The following CCDC171 variants were observed in gnomAD, a reference collection of about 807,000 sequenced individuals.
CCDC171 encodes the protein coiled-coil domain containing 171.
In CCDC171, 177 loss-of-function variants were observed where a neutral mutation model predicts 168.2. That is an observed-to-expected ratio of 1.05 (90% confidence interval 0.93 to 1.19). CCDC171 has a LOEUF of 1.19. CCDC171 is among the 50% of genes most tolerant of loss of function. The pLI is 0.00. For synonymous variants in CCDC171, 687 were observed against 540.8 expected (o/e 1.27, Z -3.75); for missense variants, 1,991 against 1,539.0 (o/e 1.29, Z -4.91).
At chr9:16,032,355 G>A (rs955344630) in intron 6 of CCDC171, among the ~76,000 whole-genome samples, 1 of 152,196 alleles carries the variant, frequency 6.6e-6, no homozygotes, top group South Asian at 2.1e-4. Flanking sequence ...AATAGACGAT[G>A]GTTTGCAAGC....
intron 24 of CCDC171, among the ~76,000 whole-genome samples, chr9:15,904,881 G>C (rs1822296855): frequency 6.6e-6 from 1 of 151,488 alleles, no homozygotes; most frequent in Non-Finnish European, 1.5e-5. Flanking sequence ...CCTAGTCTCT[G>C]ATAAAACAGA....
the CCDC171 span, among the ~76,000 whole-genome samples, chr9:16,092,354 G>A: frequency 3.9e-5 from 6 of 152,192 alleles, no homozygotes; most frequent in African/African-American, 1.4e-4. Flanking sequence ...CAGCTCCAAA[G>A]GTGTGGGTGG....
At chr9:15,840,603 T>C (rs1465974499) in intron 21 of CCDC171, among the ~76,000 whole-genome samples, 1 of 152,136 alleles carries the variant, frequency 6.6e-6, no homozygotes, top group East Asian at 1.9e-4. Flanking sequence ...TTCTGTCTCA[T>C]GAGGTCTGCA....
chr9:16,097,323 TG>T, the CCDC171 span, among the ~76,000 whole-genome samples: 1 of 152,244 alleles, frequency 6.6e-6, no homozygotes, highest in Non-Finnish European at 1.5e-5. Flanking sequence ...TGGATGGTTA[TG>T]GTTTGTATAT....
At chr9:15,754,179 C>G (rs554372031) in intron 18 of CCDC171, among the ~76,000 whole-genome samples, 72 of 152,188 alleles carry the variant, frequency 4.7e-4, no homozygotes, top group African/African-American at 1.7e-3. Flanking sequence ...TGTGGAGTTT[C>G]CAATTTAGCA....
chr9:15,812,407 A>T lies in CCDC171; in HGVS notation c.3267+27713A>T, dbSNP rs111472375. ...ATTGGCACATGCACTGGTTGGAAGC[A>T]AACAGATTGAAAATCAACTTTTTGA... On this transcript the variant is annotated intron_variant, in intron 21 of 25. Transcript: ENST00000380701. 9.7e-3 allele frequency among the ~76,000 whole-genome samples: 1,480 copies of T among 152,324 alleles called. 15 individuals carry two copies. The highest frequency in any genetic ancestry group is 0.032 in the South Asian group (154 of 4,834).
chr9:15,642,343 G>GTGTATA (rs1369419679), intron 7 of CCDC171, among the ~76,000 whole-genome samples: 1,516 of 105,482 alleles, frequency 0.014, 29 homozygotes, highest in African/African-American at 0.029. Context: ...GTGTGTGTGT[G>GTGTATA]TATATATATA....
At chr9:15,906,583 A>C (rs973109433) in intron 24 of CCDC171, among the ~76,000 whole-genome samples, 1 of 152,150 alleles carries the variant, frequency 6.6e-6, no homozygotes. Context: ...ATGGGCAAAA[A>C]CTGGAAGCAT....
intron 24 of CCDC171, among the ~76,000 whole-genome samples, chr9:15,876,628 T>C (rs1817879388): frequency 6.6e-6 from 1 of 152,160 alleles, no homozygotes; most frequent in Non-Finnish European, 1.5e-5. Context: ...ATATCTATAA[T>C]GGAATTTTTC....
intron 24 of CCDC171, among the ~76,000 whole-genome samples, chr9:15,879,310 T>C (rs1818281216): frequency 6.6e-6 from 1 of 152,170 alleles, no homozygotes; most frequent in Admixed American, 6.5e-5. Flanking sequence ...TTTTCCTTTT[T>C]ATTGGTATGT....
exon 8 of CCDC171, chr9:16,036,109 A>C (rs1325560301): frequency 1.3e-5 from 2 of 152,216 alleles, no homozygotes; most frequent in Non-Finnish European, 2.9e-5. Flanking sequence ...TTGCCAGAAA[A>C]GTTCTTTCTC....
chr9:15,949,676 A>T (rs1202903936), intron 25 of CCDC171, among the ~76,000 whole-genome samples: 1 of 152,188 alleles, frequency 6.6e-6, no homozygotes, highest in African/African-American at 2.4e-5. Context: ...ACTTTGCTGA[A>T]GTCGCTTATC....
At chr9:16,036,176 G>C (rs1833463519) in exon 8 of CCDC171, 1 of 152,196 alleles carries the variant, frequency 6.6e-6, no homozygotes, top group South Asian at 2.1e-4. Flanking sequence ...GCCTATAGCT[G>C]GCTGCATTGG....
At chr9:15,915,784 CCTTCT>C (rs1824415657) in intron 24 of CCDC171, among the ~76,000 whole-genome samples, 3 of 152,112 alleles carry the variant, frequency 2.0e-5, no homozygotes, top group African/African-American at 7.2e-5. Context: ...GAGGCCTCTC[CCTTCT>C]CTGCCTAGTT....
intron 21 of CCDC171, among the ~76,000 whole-genome samples, chr9:15,826,355 A>G (rs1282900541): frequency 6.6e-6 from 1 of 151,528 alleles, no homozygotes; most frequent in South Asian, 2.1e-4. Flanking sequence ...GCCATGGAAG[A>G]TTATATTTTC....
At chr9:15,801,913 A>C (rs1212216802) in intron 21 of CCDC171, among the ~76,000 whole-genome samples, 1 of 151,988 alleles carries the variant, frequency 6.6e-6, no homozygotes, top group East Asian at 1.9e-4. Context: ...TGTTTATATG[A>C]TGTATCACAT....
chr9:15,808,174 G>A (rs1194985220), intron 21 of CCDC171, among the ~76,000 whole-genome samples: 1 of 152,006 alleles, frequency 6.6e-6, no homozygotes, highest in Non-Finnish European at 1.5e-5. Flanking sequence ...GCATTTGGAG[G>A]GAAAAGGCAG....
chr9:15,565,162 C>T (rs888269690), intron 2 of CCDC171, among the ~76,000 whole-genome samples: 2 of 147,228 alleles, frequency 1.4e-5, no homozygotes, highest in Admixed American at 6.9e-5. Flanking sequence ...GATCTTGGTT[C>T]CCTGCAACCT....
At chr9:15,664,808 C>T (rs1325500035) in intron 8 of CCDC171, among the ~76,000 whole-genome samples, 7 of 149,664 alleles carry the variant, frequency 4.7e-5, no homozygotes, top group Admixed American at 1.3e-4. Context: ...AAGTGATTCT[C>T]CTGCCTCAGC....
Sources: gnomAD v4.1 joint callset for allele counts (sites outside exome capture counted in the v4.1 genomes callset) on GRCh38, gnomAD v4.1.1 for gene constraint, MANE v1.5 for transcripts, NCBI Gene and HGNC (gene_info 2026-07-23, HGNC 2026-07-21) for gene names.